Variants in IGF1R observed in about 807,000 individuals in gnomAD.
The protein encoded by IGF1R is insulin like growth factor 1 receptor, also known as insulin-like growth factor 1 receptor.
Under a neutral mutation model 144.6 loss-of-function variants are expected in IGF1R, and 44 were observed. The ratio of observed to expected loss-of-function variants is 0.30; its 90% CI spans 0.24 to 0.39. The LOEUF (loss-of-function observed/expected upper bound fraction) is 0.39. Ranked by LOEUF, IGF1R falls within the 10% of genes least tolerant of loss-of-function variation. The pLI, the probability that IGF1R is intolerant of heterozygous loss-of-function variation, is 1.00. For missense variants in IGF1R, 1,355 were observed against 1,833.7 expected, an observed-to-expected ratio of 0.74 and a Z score of 4.77; for synonymous variants, 795 against 722.8, an observed-to-expected ratio of 1.10 and a Z score of -1.60.
chr15:98,884,574 G>C (rs1482965827), intron 2 of IGF1R, among the ~76,000 whole-genome samples: 1 of 149,826 alleles, frequency 6.7e-6, no homozygotes, highest in South Asian at 2.1e-4. Flanking sequence ...GGCGCCTGTA[G>C]TCCCAGCTAC....
rs892915362 is a variant in IGF1R, at chr15:98,960,904, C to T, written c.*3462C>T. ...GCCGGCGCCGAGGCTCGTGGCGTCA[C>T]GCCCCCCCCGCCAGGGCTGTACCTC... is the stretch of plus-strand genomic sequence containing the variant. On this transcript the variant is annotated 3_prime_UTR_variant, in exon 21 of 21. Transcript: ENST00000650285. 21 of 232,938 alleles carry T rather than the reference C, an allele frequency of 9.0e-5. No individual in the cohort carries two copies. The South Asian group carries it at 1.8e-3, about 20-fold the overall frequency. 14.4% of individuals were successfully genotyped at this position (232,938 alleles called of 1,614,324 possible).
At chr15:98,729,249 T>A (rs569874966) in intron 2 of IGF1R, among the ~76,000 whole-genome samples, 4 of 152,286 alleles carry the variant, frequency 2.6e-5, no homozygotes, top group African/African-American at 9.6e-5. Flanking sequence ...GAGCATTATA[T>A]GTACTCTGAT....
At chr15:98,924,902 G>A (rs1465043202) in intron 13 of IGF1R, among the ~76,000 whole-genome samples, 1 of 151,554 alleles carries the variant, frequency 6.6e-6, no homozygotes, top group Non-Finnish European at 1.5e-5. Context: ...CATGTGGCAG[G>A]AAGGGAGAGG....
chr15:98,952,331 C>CACACACACACACAT (rs55649172), intron 20 of IGF1R, among the ~76,000 whole-genome samples: 1 of 150,274 alleles, frequency 6.7e-6, no homozygotes, highest in Non-Finnish European at 1.5e-5. Flanking sequence ...CACACACACA[C>CACACACACACACAT]TGCCCCTCAC....
chr15:98,715,551 C>T (rs1403784333), intron 2 of IGF1R, among the ~76,000 whole-genome samples: 1 of 152,180 alleles, frequency 6.6e-6, no homozygotes. Flanking sequence ...TCTTGCTTTC[C>T]TCATGTGTAT....
At chr15:98,650,600 C>T (rs1482361872) in intron 1 of IGF1R, among the ~76,000 whole-genome samples, 2 of 152,258 alleles carry the variant, frequency 1.3e-5, no homozygotes, top group East Asian at 3.9e-4. Flanking sequence ...GACACACGTG[C>T]TCGCAGCGCG....
chr15:98,666,811 G>C (rs2052753229), intron 1 of IGF1R, among the ~76,000 whole-genome samples: 1 of 152,226 alleles, frequency 6.6e-6, no homozygotes, highest in Non-Finnish European at 1.5e-5. Context: ...AAAAGTTCTA[G>C]AGGTGGATGG....
chr15:98,720,502 C>T (rs572865782), intron 2 of IGF1R, among the ~76,000 whole-genome samples: 1 of 152,230 alleles, frequency 6.6e-6, no homozygotes, highest in African/African-American at 2.4e-5. Flanking sequence ...TGGGCCCTAC[C>T]CTTAGGGACT....
At chr15:98,925,218 G>A (rs1441286601) in intron 13 of IGF1R, among the ~76,000 whole-genome samples, 6 of 152,116 alleles carry the variant, frequency 3.9e-5, no homozygotes, top group African/African-American at 1.4e-4. Flanking sequence ...ACATGCATTG[G>A]AAATGTACGG....
chr15:98,948,417 C>T (rs17847192), intron 19 of IGF1R, among the ~76,000 whole-genome samples, 157 bp from the exon 20 acceptor site: 2 of 152,140 alleles, frequency 1.3e-5, no homozygotes, highest in Non-Finnish European at 2.9e-5. Context: ...GATGATATCC[C>T]GCACTTAGCC....
chr15:98,754,185 C>T (rs534478605), intron 2 of IGF1R, among the ~76,000 whole-genome samples: 1 of 152,220 alleles, frequency 6.6e-6, no homozygotes, highest in Non-Finnish European at 1.5e-5. Context: ...TTTTCCCTTT[C>T]GTTTTTCTTT....
chr15:98,841,456 A>G (rs909818197), intron 2 of IGF1R, among the ~76,000 whole-genome samples: 2 of 152,238 alleles, frequency 1.3e-5, no homozygotes, highest in Non-Finnish European at 2.9e-5. Context: ...TAAGTGCTGA[A>G]TAAGTATCAG....
chr15:98,800,228 G>A (rs1192224140), intron 2 of IGF1R, among the ~76,000 whole-genome samples: 2 of 125,908 alleles, frequency 1.6e-5, no homozygotes, highest in African/African-American at 5.0e-5. Flanking sequence ...AAAAGGGTGT[G>A]GGCGAGGGAG....
chr15:98,857,302 T>G (rs1287787231), intron 2 of IGF1R, among the ~76,000 whole-genome samples: 1 of 152,178 alleles, frequency 6.6e-6, no homozygotes, highest in Non-Finnish European at 1.5e-5. Context: ...CATTGCAACC[T>G]CCACCTCCCA....
intron 2 of IGF1R, among the ~76,000 whole-genome samples, chr15:98,818,863 T>A (rs1287486761): frequency 6.6e-6 from 1 of 151,858 alleles, no homozygotes; most frequent in Non-Finnish European, 1.5e-5. Context: ...ACCAGAGTCA[T>A]AGCAATTTGT....
intron 2 of IGF1R, among the ~76,000 whole-genome samples, chr15:98,708,971 T>G (rs1170214425): frequency 6.6e-6 from 1 of 152,244 alleles, no homozygotes; most frequent in African/African-American, 2.4e-5. Context: ...TGCCTTCATG[T>G]GATCAGTTCC....
intron 20 of IGF1R, among the ~76,000 whole-genome samples, chr15:98,949,335 G>A (rs895359298): frequency 4.6e-5 from 7 of 151,914 alleles, no homozygotes; most frequent in East Asian, 3.9e-4. Context: ...ACATCCCTGC[G>A]GACAGAAGGA....
At chr15:98,720,790 T>C (rs1172805975) in intron 2 of IGF1R, among the ~76,000 whole-genome samples, 1 of 152,228 alleles carries the variant, frequency 6.6e-6, no homozygotes, top group Non-Finnish European at 1.5e-5. Flanking sequence ...ATATGAGAAA[T>C]GCTGATGTAA....
chr15:98,730,948 A>G (rs1362215813), intron 2 of IGF1R, among the ~76,000 whole-genome samples: 2 of 152,342 alleles, frequency 1.3e-5, no homozygotes, highest in African/African-American at 4.8e-5. Context: ...CTCGGAGTGG[A>G]AACAGATAAC....
Sources: allele counts gnomAD v4.1 joint callset (sites outside exome capture counted in the v4.1 genomes callset), GRCh38; gene constraint gnomAD v4.1.1; transcripts MANE v1.5; gene names NCBI Gene and HGNC (gene_info 2026-07-23, HGNC 2026-07-21).